QTGAL: variants seen among roughly 807,000 people sequenced by gnomAD.
QTGAL encodes the protein queuosine-tRNA galactosyltransferase.
At chr17:83,051,744 G>C in the QTGAL span, 1 of 1,497,462 alleles carries the variant, frequency 6.7e-7, no homozygotes, top group Admixed American at 2.1e-5. Context: ...TACCACGTGG[G>C]CCTGCATGGC....
At chr17:83,019,255 T>C in the QTGAL span, among the ~76,000 whole-genome samples, 35,679 of 151,820 alleles carry the variant, frequency 0.24, 4,224 homozygotes, top group Middle Eastern at 0.27. Context: ...CCCTGGGGCG[T>C]CAAATTACTC....
the QTGAL span, among the ~76,000 whole-genome samples, chr17:82,970,887 G>T: frequency 1.8e-4 from 28 of 152,180 alleles, no homozygotes; most frequent in Non-Finnish European, 3.2e-4. Context: ...AGCTGCCTTT[G>T]CGGGGGGCCT....
the QTGAL span, among the ~76,000 whole-genome samples, chr17:83,021,268 T>C: frequency 2.0e-5 from 3 of 152,062 alleles, no homozygotes; most frequent in Non-Finnish European, 2.9e-5. Flanking sequence ...GGAATAGACA[T>C]TGGAGAGGGG....
the QTGAL span, among the ~76,000 whole-genome samples, chr17:83,020,440 T>C: frequency 1.3e-5 from 2 of 152,198 alleles, no homozygotes; most frequent in African/African-American, 4.8e-5. Flanking sequence ...TTCCATAGAA[T>C]AGCTGGAAAA....
the QTGAL span, among the ~76,000 whole-genome samples, chr17:82,986,409 C>G: frequency 6.6e-6 from 1 of 152,236 alleles, no homozygotes; most frequent in African/African-American, 2.4e-5. Flanking sequence ...ACAAGCTGGG[C>G]TGGAAGTAAG....
chr17:83,032,764 TAAG>T, the QTGAL span, among the ~76,000 whole-genome samples: 1 of 152,148 alleles, frequency 6.6e-6, no homozygotes, highest in African/African-American at 2.4e-5. Flanking sequence ...TGTTTTGGTC[TAAG>T]AAGAAAAGAG....
chr17:83,017,364 T>TGTA, the QTGAL span, among the ~76,000 whole-genome samples: 1 of 152,180 alleles, frequency 6.6e-6, no homozygotes, highest in Non-Finnish European at 1.5e-5. Flanking sequence ...AGCTCATGCC[T>TGTA]GTAATCCCAG....
chr17:83,002,879 GCCCGC>G, the QTGAL span, among the ~76,000 whole-genome samples: 1 of 64,526 alleles, frequency 1.5e-5, no homozygotes, highest in African/African-American at 7.6e-5. Flanking sequence ...GGATTCCTGA[GCCCGC>G]CCTCCGCGTG....
At chr17:83,005,839 A>G in the QTGAL span, 2 of 1,312,920 alleles carry the variant, frequency 1.5e-6, no homozygotes, top group Non-Finnish European at 2.0e-6. The surrounding 1 kb of genome is among the most constrained non-coding windows in gnomAD (Gnocchi z 5.6). Context: ...GCCTTTCTCA[A>G]CCCTTCCCCC....
At chr17:83,025,906 C>T in the QTGAL span, among the ~76,000 whole-genome samples, 1 of 152,348 alleles carries the variant, frequency 6.6e-6, no homozygotes, top group Non-Finnish European at 1.5e-5. Flanking sequence ...GCAGGACGTA[C>T]ACACACGTAC....
At chr17:83,005,171 T>C in the QTGAL span, 1 of 1,610,720 alleles carries the variant, frequency 6.2e-7, no homozygotes, top group East Asian at 2.2e-5. The surrounding 1 kb of genome is among the most constrained non-coding windows in gnomAD (Gnocchi z 5.6). Flanking sequence ...TATCGTTCGG[T>C]GGAGTTAGGG....
the QTGAL span, among the ~76,000 whole-genome samples, chr17:82,990,237 G>C: frequency 3.9e-5 from 6 of 152,254 alleles, no homozygotes; most frequent in East Asian, 1.2e-3. Context: ...TGTTGTGTAA[G>C]TGTCTTCTTA....
At chr17:83,032,332 A>G in the QTGAL span, among the ~76,000 whole-genome samples, 608 of 104,062 alleles carry the variant, frequency 5.8e-3, 4 homozygotes, top group African/African-American at 0.029. Flanking sequence ...CGCAGACCGA[A>G]CTCGGGAGCT....
the QTGAL span, chr17:83,007,350 G>A: frequency 1.2e-6 from 1 of 867,450 alleles, no homozygotes; most frequent in Non-Finnish European, 1.4e-6. Context: ...GTCTGTTTCT[G>A]TGCATCCTGC....
the QTGAL span, among the ~76,000 whole-genome samples, chr17:83,047,479 T>C: frequency 6.9e-6 from 1 of 143,984 alleles, no homozygotes; most frequent in East Asian, 2.1e-4. Context: ...TTTAGGTCTA[T>C]AATAAATCCC....
chr17:83,043,888 C>A, the QTGAL span, among the ~76,000 whole-genome samples: 1 of 152,014 alleles, frequency 6.6e-6, no homozygotes, highest in African/African-American at 2.4e-5. Flanking sequence ...AGTTAGATAA[C>A]CTAGATGAAA....
At chr17:83,027,699 CAA>C in the QTGAL span, among the ~76,000 whole-genome samples, 1,485 of 31,108 alleles carry the variant, frequency 0.048, 3 homozygotes, top group African/African-American at 0.14. Context: ...GAGACGCTCT[CAA>C]AAAAAAAAAA....
At chr17:82,959,740 G>T in the QTGAL span, among the ~76,000 whole-genome samples, 1 of 152,010 alleles carries the variant, frequency 6.6e-6, no homozygotes, top group Non-Finnish European at 1.5e-5. Flanking sequence ...AGGTTTGGGG[G>T]GCCTCTGACA....
chr17:83,047,109 G>C, the QTGAL span, among the ~76,000 whole-genome samples: 1 of 152,250 alleles, frequency 6.6e-6, no homozygotes, highest in Admixed American at 6.5e-5. Context: ...GGCAGAAGGG[G>C]CTTCTCACAG....
Sources: gnomAD v4.1 joint callset for allele counts (sites outside exome capture counted in the v4.1 genomes callset) on GRCh38, gnomAD v4.1.1 for gene constraint, Gnocchi (gnomAD v3.1) non-coding constraint, MANE v1.5 for transcripts, NCBI Gene and HGNC (gene_info 2026-07-23, HGNC 2026-07-21) for gene names.